The following MARCHF1 variants were observed in gnomAD, a reference collection of about 807,000 sequenced individuals.
MARCHF1 encodes the protein E3 ubiquitin-protein ligase MARCHF1.
In MARCHF1, 40 loss-of-function variants were observed where a neutral mutation model predicts 54.2. That is an observed-to-expected ratio of 0.74 (90% confidence interval 0.57 to 0.96). MARCHF1 has a LOEUF of 0.96. Ranked by LOEUF, MARCHF1 falls within the 40% of genes least tolerant of loss-of-function variation. The probability of loss-of-function intolerance (pLI) is 0.00; values close to 1 mark genes in which losing one functional copy is unlikely to be tolerated. For synonymous variants in MARCHF1, 236 were observed against 236.3 expected (o/e 1.00, Z 0.01); for missense variants, 586 against 656.5 (o/e 0.89, Z 1.17).
chr4:164,068,484 A>G (rs1300099508), intron 2 of MARCHF1, among the ~76,000 whole-genome samples: 3 of 152,032 alleles, frequency 2.0e-5, no homozygotes, highest in South Asian at 2.1e-4. Context: ...AGGCCCCACA[A>G]TTCGGAGCGG....
chr4:164,274,922 C>T (rs182924896), intron 1 of MARCHF1, among the ~76,000 whole-genome samples: 6,832 of 150,898 alleles, frequency 0.045, 203 homozygotes, highest in East Asian at 0.11. Context: ...GTGATCCACC[C>T]GCCTCGGCCT....
intron 2 of MARCHF1, among the ~76,000 whole-genome samples, chr4:164,072,466 C>T (rs568527578): frequency 9.8e-4 from 149 of 152,014 alleles, no homozygotes; most frequent in Middle Eastern, 3.4e-3. Flanking sequence ...GAGGCTGAGG[C>T]GGGAGGATCA....
At chr4:164,130,420 C>T (rs1756277198) in intron 1 of MARCHF1, among the ~76,000 whole-genome samples, 1 of 152,110 alleles carries the variant, frequency 6.6e-6, no homozygotes, top group African/African-American at 2.4e-5. Context: ...AAGCAGTTTA[C>T]TGTTCCCTTT....
At chr4:163,919,723 G>A (rs1477232757) in intron 3 of MARCHF1, among the ~76,000 whole-genome samples, 1 of 152,012 alleles carries the variant, frequency 6.6e-6, no homozygotes, top group Non-Finnish European at 1.5e-5. Context: ...TTCAAAAGAG[G>A]TTAGGAAAAT....
chr4:163,624,563 A>T (rs1164977065), intron 5 of MARCHF1, among the ~76,000 whole-genome samples: 1 of 152,132 alleles, frequency 6.6e-6, no homozygotes, highest in African/African-American at 2.4e-5. Context: ...GAGCACATAA[A>T]CTCAGACTAA....
intron 1 of MARCHF1, among the ~76,000 whole-genome samples, chr4:164,171,313 A>G (rs534981300): frequency 6.6e-6 from 1 of 152,160 alleles, no homozygotes; most frequent in Non-Finnish European, 1.5e-5. Flanking sequence ...GAGTGTTTCC[A>G]TTACTATAAG....
At chr4:163,585,460 G>C (rs748070348) in intron 8 of MARCHF1, 1 of 197,520 alleles carries the variant, frequency 5.1e-6, no homozygotes, top group Admixed American at 5.9e-5. Context: ...AGTGCATTTT[G>C]CATGCATATA....
chr4:164,185,080 A>G (rs1730931621), intron 1 of MARCHF1, among the ~76,000 whole-genome samples: 2 of 152,234 alleles, frequency 1.3e-5, no homozygotes, highest in South Asian at 4.1e-4. Flanking sequence ...CAATATAAAT[A>G]TGTCATTCTA....
At chr4:163,995,236 G>T (rs1319353507) in intron 2 of MARCHF1, among the ~76,000 whole-genome samples, 1 of 152,024 alleles carries the variant, frequency 6.6e-6, no homozygotes, top group Non-Finnish European at 1.5e-5. Context: ...AAATATTCAG[G>T]TGTATGGGTT....
At chr4:164,266,087 A>G (rs1464850038) in intron 1 of MARCHF1, among the ~76,000 whole-genome samples, 1 of 152,206 alleles carries the variant, frequency 6.6e-6, no homozygotes, top group African/African-American at 2.4e-5. Context: ...CTGAACACAC[A>G]CTAAATAAAT....
At chr4:163,923,143 A>T (rs1301609059) in intron 3 of MARCHF1, among the ~76,000 whole-genome samples, 1 of 150,980 alleles carries the variant, frequency 6.6e-6, no homozygotes, top group Non-Finnish European at 1.5e-5. Context: ...CAGGTAAAAA[A>T]TACTTTATGT....
intron 5 of MARCHF1, among the ~76,000 whole-genome samples, chr4:163,681,676 GC>G (rs1744109386): frequency 1.3e-5 from 2 of 152,176 alleles, no homozygotes; most frequent in African/African-American, 4.8e-5. Flanking sequence ...TGTGTTTGCT[GC>G]TTCTTCCACC....
At chr4:164,374,116 T>C (rs1731115930) in intron 1 of MARCHF1, among the ~76,000 whole-genome samples, 1 of 152,220 alleles carries the variant, frequency 6.6e-6, no homozygotes. Flanking sequence ...TGCCACAGAA[T>C]AGAAATTAGC....
intron 4 of MARCHF1, among the ~76,000 whole-genome samples, chr4:163,837,443 GAC>G (rs1210498531): frequency 6.6e-6 from 1 of 152,062 alleles, no homozygotes; most frequent in Non-Finnish European, 1.5e-5. Flanking sequence ...GCATGTAAGA[GAC>G]ACAACTTAAA....
At chr4:163,760,862 G>T (rs996643323) in intron 4 of MARCHF1, among the ~76,000 whole-genome samples, 1 of 152,104 alleles carries the variant, frequency 6.6e-6, no homozygotes, top group Non-Finnish European at 1.5e-5. Flanking sequence ...TATTTAAAGT[G>T]AAAGCTGTTT....
chr4:164,072,144 A>G (rs1391308875), intron 2 of MARCHF1, among the ~76,000 whole-genome samples: 1 of 152,236 alleles, frequency 6.6e-6, no homozygotes, highest in South Asian at 2.1e-4. Context: ...GCCATTTGAT[A>G]TATCAAAGGA....
chr4:163,814,901 C>A (rs974888652), intron 4 of MARCHF1, among the ~76,000 whole-genome samples: 1 of 152,084 alleles, frequency 6.6e-6, no homozygotes, highest in Non-Finnish European at 1.5e-5. Context: ...GTCAGTACCT[C>A]TTTTTAGAAT....
chr4:164,077,461 T>C (rs931949797), intron 2 of MARCHF1, among the ~76,000 whole-genome samples: 41 of 152,158 alleles, frequency 2.7e-4, no homozygotes, highest in Non-Finnish European at 5.3e-4. Context: ...ATTCAGGACA[T>C]AGGCATGGGC....
intron 8 of MARCHF1, among the ~76,000 whole-genome samples, chr4:163,573,078 GCTAT>G (rs1214388841): frequency 1.3e-5 from 2 of 152,192 alleles, no homozygotes; most frequent in East Asian, 3.9e-4. Flanking sequence ...AAATCTCTCA[GCTAT>G]CTGTCTTATT....
Sources: allele counts gnomAD v4.1 joint callset (sites outside exome capture counted in the v4.1 genomes callset), GRCh38; gene constraint gnomAD v4.1.1; transcripts MANE v1.5; gene names NCBI Gene and HGNC (gene_info 2026-07-23, HGNC 2026-07-21).